Variants in ATP11A observed in about 807,000 individuals in gnomAD.
ATP11A encodes phospholipid-transporting ATPase IH.
Under a neutral mutation model 154.4 loss-of-function variants are expected in ATP11A, and 81 were observed. That is an observed-to-expected ratio of 0.52 (90% confidence interval 0.44 to 0.63). The LOEUF (loss-of-function observed/expected upper bound fraction) is 0.63. Among genes scored for constraint, ATP11A ranks in the 30% least tolerant of loss-of-function variants. The probability of loss-of-function intolerance (pLI) is 0.00; values close to 1 mark genes in which losing one functional copy is unlikely to be tolerated. For synonymous variants in ATP11A, 623 were observed against 585.9 expected (o/e 1.06, Z -0.91); for missense variants, 1,316 against 1,474.3 (o/e 0.89, Z 1.76).
chr13:112,729,120 T>G (rs1275133637), intron 1 of ATP11A, among the ~76,000 whole-genome samples: 1 of 152,238 alleles, frequency 6.6e-6, no homozygotes, highest in East Asian at 1.9e-4. Flanking sequence ...ACAAAATCGG[T>G]GAACCTGAGT....
intron 1 of ATP11A, among the ~76,000 whole-genome samples, chr13:112,768,294 CGGCGTCTTCCTCTGTGGAGTT>C (rs2077145141): frequency 6.6e-6 from 1 of 152,346 alleles, no homozygotes; most frequent in Admixed American, 6.5e-5. Context: ...CTGCCTTCTG[CGGCGTCTTCCTCTGTGGAGTT>C]GGCGTCGGCC....
intron 1 of ATP11A, among the ~76,000 whole-genome samples, chr13:112,731,985 C>T (rs1017399400): frequency 1.3e-5 from 2 of 151,298 alleles, no homozygotes; most frequent in East Asian, 1.9e-4. Flanking sequence ...GCATAGCGTG[C>T]GGGCACTGGC....
chr13:112,761,798 C>T (rs941273826), intron 1 of ATP11A, among the ~76,000 whole-genome samples: 3 of 152,200 alleles, frequency 2.0e-5, no homozygotes, highest in African/African-American at 4.8e-5. Context: ...ACTTGTCAGC[C>T]GGTGTGGCCC....
chr13:112,694,403 G>C (rs1885545069), intron 1 of ATP11A, among the ~76,000 whole-genome samples: 1 of 152,172 alleles, frequency 6.6e-6, no homozygotes, highest in Non-Finnish European at 1.5e-5. Context: ...GCTACCTGTG[G>C]GTCCCGGCCT....
At chr13:112,749,174 C>T (rs1027092006) in intron 1 of ATP11A, among the ~76,000 whole-genome samples, 4 of 152,222 alleles carry the variant, frequency 2.6e-5, no homozygotes, top group Admixed American at 6.5e-5. Flanking sequence ...GGATGCGCCT[C>T]CATCTCCGCA....
chr13:112,828,227 CA>C (rs2078991931), intron 12 of ATP11A, among the ~76,000 whole-genome samples: 1 of 107,452 alleles, frequency 9.3e-6, no homozygotes, highest in Non-Finnish European at 1.8e-5. Context: ...GTGTTGAGTG[CA>C]GGGGAAAGCA....
intron 1 of ATP11A, among the ~76,000 whole-genome samples, chr13:112,776,330 C>T (rs760293616): frequency 6.6e-6 from 1 of 152,158 alleles, no homozygotes; most frequent in Non-Finnish European, 1.5e-5. Flanking sequence ...GAGCAAATTC[C>T]TCCATGCTGC....
At chr13:112,763,341 A>T (rs1052449291) in intron 1 of ATP11A, among the ~76,000 whole-genome samples, 4 of 152,156 alleles carry the variant, frequency 2.6e-5, no homozygotes, top group African/African-American at 9.7e-5. Context: ...CTCCCTTTGG[A>T]CCAGCAGTGA....
intron 23 of ATP11A, 94 bp from the exon 24 acceptor site, chr13:112,860,193 A>G (rs1035103324): frequency 3.5e-5 from 49 of 1,407,718 alleles, no homozygotes; most frequent in African/African-American, 1.7e-4. Context: ...TGGTCTTTCT[A>G]TGCATTTCAG....
chr13:112,751,735 C>G (rs1246588527), intron 1 of ATP11A, among the ~76,000 whole-genome samples: 3 of 151,868 alleles, frequency 2.0e-5, no homozygotes, highest in African/African-American at 7.3e-5. Flanking sequence ...GATAATCCCC[C>G]CCCCCTTTTT....
chr13:112,701,725 C>A (rs879790782), intron 1 of ATP11A, among the ~76,000 whole-genome samples: 4 of 151,786 alleles, frequency 2.6e-5, no homozygotes, highest in African/African-American at 9.7e-5. Flanking sequence ...CCCAGCTACT[C>A]GGGAGGCTGA....
At chr13:112,876,022 T>C (rs1395856161) in intron 28 of ATP11A, 81 bp downstream of exon 28, 2 of 1,484,842 alleles carry the variant, frequency 1.3e-6, no homozygotes, top group East Asian at 2.3e-5. Flanking sequence ...TGAAAGACAG[T>C]GTGAAAGGTT....
intron 1 of ATP11A, among the ~76,000 whole-genome samples, chr13:112,740,622 C>T (rs1261373772): frequency 6.6e-6 from 1 of 152,196 alleles, no homozygotes; most frequent in Non-Finnish European, 1.5e-5. Context: ...CAGAAAAAGA[C>T]CTGCACGGAG....
chr13:112,871,608 T>A, intron 25 of ATP11A, 127 bp from the exon 26 acceptor site: 1 of 860,056 alleles, frequency 1.2e-6, no homozygotes, highest in African/African-American at 1.7e-5. Context: ...AATATAGTGC[T>A]TATATCTTTG....
intron 4 of ATP11A, 75 bp downstream of exon 4, chr13:112,806,368 G>T: frequency 2.4e-6 from 3 of 1,226,608 alleles, no homozygotes; most frequent in Non-Finnish European, 3.6e-6. Context: ...AAAGCGAGGT[G>T]ATTGGTTTGT....
intron 1 of ATP11A, among the ~76,000 whole-genome samples, chr13:112,691,560 C>A (rs1203416979): frequency 2.6e-5 from 4 of 150,964 alleles, no homozygotes; most frequent in Non-Finnish European, 5.9e-5. Flanking sequence ...CTGTCTTGCA[C>A]AAGAGGCTTC....
At chr13:112,714,876 C>T (rs908985325) in intron 1 of ATP11A, among the ~76,000 whole-genome samples, 2 of 152,086 alleles carry the variant, frequency 1.3e-5, no homozygotes, top group African/African-American at 4.8e-5. Context: ...ATCACCACTG[C>T]CCCCCCGCAG....
chr13:112,745,196 C>G (rs374521536), intron 1 of ATP11A, among the ~76,000 whole-genome samples: 3 of 152,214 alleles, frequency 2.0e-5, no homozygotes, highest in East Asian at 1.9e-4. Context: ...TCCCAAGTAG[C>G]TGAGACTACA....
chr13:112,842,733 C>T (rs2079458685), intron 17 of ATP11A, among the ~76,000 whole-genome samples: 1 of 152,252 alleles, frequency 6.6e-6, no homozygotes, highest in Non-Finnish European at 1.5e-5. Context: ...TTTGTGTTGA[C>T]GTTTCTAGTG....
Sources: allele counts gnomAD v4.1 joint callset (sites outside exome capture counted in the v4.1 genomes callset), GRCh38; gene constraint gnomAD v4.1.1; transcripts MANE v1.5; gene names NCBI Gene and HGNC (gene_info 2026-07-23, HGNC 2026-07-21).